The following ACOXL variants were observed in gnomAD, a reference collection of about 807,000 sequenced individuals.
The protein encoded by ACOXL is acyl-CoA oxidase like.
Under a neutral mutation model 71.9 loss-of-function variants are expected in ACOXL, and 70 were observed. The observed-to-expected ratio is 0.97, with a 90% CI of 0.80 to 1.19. The LOEUF is 1.19. ACOXL is among the 50% of genes most tolerant of loss of function. The pLI is 0.00. For synonymous variants in ACOXL, 253 were observed against 281.6 expected, an observed-to-expected ratio of 0.90 and a Z score of 1.02; for missense variants, 703 against 736.3, an observed-to-expected ratio of 0.95 and a Z score of 0.52.
chr2:110,908,278 T>G (rs1483076386), intron 10 of ACOXL, among the ~76,000 whole-genome samples: 2 of 152,220 alleles, frequency 1.3e-5, no homozygotes, highest in African/African-American at 4.8e-5. Context: ...AGGTGGGATA[T>G]GGAGAACACC....
intron 10 of ACOXL, among the ~76,000 whole-genome samples, chr2:110,842,657 C>T (rs1452146246): frequency 1.3e-5 from 2 of 152,142 alleles, no homozygotes; most frequent in South Asian, 4.1e-4. Context: ...ACTTAACAAA[C>T]TTAGCCTGTT....
intron 12 of ACOXL, among the ~76,000 whole-genome samples, chr2:110,950,288 T>C (rs942942546): frequency 1.3e-5 from 2 of 152,112 alleles, no homozygotes; most frequent in African/African-American, 4.8e-5. Flanking sequence ...CCTAGGTTAG[T>C]AGGTCCTATC....
At chr2:110,984,102 T>G (rs1451929330) in intron 12 of ACOXL, among the ~76,000 whole-genome samples, 3 of 152,150 alleles carry the variant, frequency 2.0e-5, no homozygotes, top group Non-Finnish European at 1.5e-5. Flanking sequence ...CACGTTGGCC[T>G]CCCAAAGTGC....
chr2:111,064,456 AC>A (rs1277537418), intron 16 of ACOXL, among the ~76,000 whole-genome samples: 175 of 151,468 alleles, frequency 1.2e-3, no homozygotes, highest in African/African-American at 3.9e-3. Context: ...CAAAAAAAAA[AC>A]AACAACTATA....
chr2:110,931,895 C>T (rs74776208), intron 11 of ACOXL, among the ~76,000 whole-genome samples: 3,304 of 152,236 alleles, frequency 0.022, 143 homozygotes, highest in African/African-American at 0.077. Flanking sequence ...ATGCATCTAC[C>T]GTATGACTGA....
At chr2:110,826,829 G>C (rs1166894368) in intron 9 of ACOXL, among the ~76,000 whole-genome samples, 1 of 148,472 alleles carries the variant, frequency 6.7e-6, no homozygotes, top group Non-Finnish European at 1.5e-5. Context: ...CTGGTGTACA[G>C]TTTTGGTGCA....
intron 16 of ACOXL, among the ~76,000 whole-genome samples, chr2:111,077,124 T>C (rs1258880368): frequency 6.6e-6 from 1 of 152,224 alleles, no homozygotes; most frequent in East Asian, 1.9e-4. Flanking sequence ...GGAATTTGGA[T>C]GGCTATCATT....
At chr2:111,004,760 C>T (rs1307049244) in intron 14 of ACOXL, among the ~76,000 whole-genome samples, 1 of 152,148 alleles carries the variant, frequency 6.6e-6, no homozygotes, top group African/African-American at 2.4e-5. Context: ...CTTGGAAATG[C>T]CATTGATAAT....
intron 17 of ACOXL, among the ~76,000 whole-genome samples, chr2:111,117,052 C>T (rs1837366): frequency 0.41 from 62,663 of 152,078 alleles, 13,512 homozygotes; most frequent in Non-Finnish European, 0.48. Flanking sequence ...GGTCCGCCGT[C>T]TCACTGTACT....
intron 16 of ACOXL, among the ~76,000 whole-genome samples, chr2:111,053,522 A>T (rs1021206416): frequency 6.6e-6 from 1 of 152,134 alleles, no homozygotes; most frequent in Non-Finnish European, 1.5e-5. Flanking sequence ...ACATGGTTTG[A>T]CTTTGCCTAG....
intron 12 of ACOXL, among the ~76,000 whole-genome samples, chr2:110,949,134 G>A (rs1202455452): frequency 6.6e-6 from 1 of 152,188 alleles, no homozygotes; most frequent in Admixed American, 6.5e-5. Flanking sequence ...GCAGGACAGG[G>A]TCGAGCTGAG....
At chr2:111,036,412 C>T (rs766459215) in intron 15 of ACOXL, among the ~76,000 whole-genome samples, 6 of 152,152 alleles carry the variant, frequency 3.9e-5, no homozygotes, top group Non-Finnish European at 4.4e-5. Flanking sequence ...GTCTAGCACC[C>T]GTTAAATGTG....
intron 2 of ACOXL, among the ~76,000 whole-genome samples, chr2:110,773,567 C>T (rs1419930069): frequency 6.6e-6 from 1 of 152,198 alleles, no homozygotes. Context: ...CCACCCATCC[C>T]AGGACTGGCT....
intron 12 of ACOXL, chr2:110,968,641 G>A: frequency 2.1e-6 from 2 of 950,080 alleles, no homozygotes; most frequent in Non-Finnish European, 3.1e-6. Flanking sequence ...GTCCCAAAAT[G>A]TCCATTGCCC....
At chr2:111,019,713 C>T (rs927471868) in intron 14 of ACOXL, among the ~76,000 whole-genome samples, 4 of 152,160 alleles carry the variant, frequency 2.6e-5, no homozygotes, top group Admixed American at 2.6e-4. Flanking sequence ...GGACTCCAGA[C>T]CAGAGCTTGG....
At chr2:110,998,602 A>T (rs1419671134) in intron 14 of ACOXL, among the ~76,000 whole-genome samples, 2 of 152,186 alleles carry the variant, frequency 1.3e-5, no homozygotes, top group Non-Finnish European at 2.9e-5. Flanking sequence ...ATTTGGCTCA[A>T]CTCAAGACCC....
chr2:110,753,289 C>T (rs1468754020), intron 1 of ACOXL, among the ~76,000 whole-genome samples: 3 of 152,108 alleles, frequency 2.0e-5, no homozygotes, highest in Non-Finnish European at 4.4e-5. Context: ...GCTTGTACAG[C>T]CTGCAGAATT....
At chr2:111,104,354 A>G (rs1346178531) in intron 17 of ACOXL, among the ~76,000 whole-genome samples, 4 of 152,214 alleles carry the variant, frequency 2.6e-5, no homozygotes, top group Non-Finnish European at 1.5e-5. Flanking sequence ...GTAGATGTTC[A>G]GGGGTTCCAT....
intron 10 of ACOXL, among the ~76,000 whole-genome samples, chr2:110,902,071 A>T (rs1200790445): frequency 2.0e-5 from 3 of 152,136 alleles, no homozygotes; most frequent in Non-Finnish European, 4.4e-5. Flanking sequence ...AAAATTGCCC[A>T]TGGGAATGAC....
Sources: gnomAD v4.1 joint callset for allele counts (sites outside exome capture counted in the v4.1 genomes callset) on GRCh38, gnomAD v4.1.1 for gene constraint, MANE v1.5 for transcripts, NCBI Gene and HGNC (gene_info 2026-07-23, HGNC 2026-07-21) for gene names.